The following HMG20A variants were observed in gnomAD, a reference collection of about 807,000 sequenced individuals.
HMG20A encodes high mobility group protein 20A.
A neutral mutation model predicts 43.9 loss-of-function variants in HMG20A; 17 were observed. The observed-to-expected ratio is 0.39, with a 90% CI of 0.27 to 0.58. The LOEUF (loss-of-function observed/expected upper bound fraction) is 0.58, where lower values mean the gene tolerates loss of function less well. Among genes scored for constraint, HMG20A ranks in the 20% least tolerant of loss-of-function variants. The pLI, the probability that HMG20A is intolerant of heterozygous loss-of-function variation, is 0.59. For missense variants in HMG20A, 341 were observed against 438.2 expected (o/e 0.78, Z 1.98); for synonymous variants, 132 against 147.5 (o/e 0.89, Z 0.76).
chr15:77,457,543 T>C (rs987854265), intron 1 of HMG20A, among the ~76,000 whole-genome samples: 57 of 152,210 alleles, frequency 3.7e-4, no homozygotes, highest in African/African-American at 1.4e-3. Context: ...GTGGTAAGCC[T>C]TGAAAGGCAA....
chr15:77,507,184 G>A, the HMG20A span, among the ~76,000 whole-genome samples: 1 of 152,204 alleles, frequency 6.6e-6, no homozygotes, highest in Non-Finnish European at 1.5e-5. Flanking sequence ...TTTTCTGGGT[G>A]TGGACTCCTC....
At chr15:77,459,253 A>G (rs1281983325) in intron 2 of HMG20A, among the ~76,000 whole-genome samples, 1 of 152,182 alleles carries the variant, frequency 6.6e-6, no homozygotes, top group Non-Finnish European at 1.5e-5. Context: ...CACTACTCAG[A>G]TGAAAGTGTT....
the HMG20A span, among the ~76,000 whole-genome samples, chr15:77,495,578 G>A: frequency 6.6e-6 from 1 of 152,168 alleles, no homozygotes; most frequent in East Asian, 1.9e-4. Flanking sequence ...ACAAAAAAAG[G>A]CAGTAAAGTG....
intron 1 of HMG20A, among the ~76,000 whole-genome samples, chr15:77,445,206 GAAGAAACATTCTTTCTACCTC>G (rs1385440338): frequency 6.6e-6 from 1 of 152,194 alleles, no homozygotes; most frequent in African/African-American, 2.4e-5. Context: ...CCTGTAAAAG[GAAGAAACATTCTTTCTACCTC>G]CTCTCTTCAG....
In HMG20A at chr15:77,479,184, G is replaced by A. The variant is rs776181871; in HGVS notation, c.913G>A (p.Gly305Arg). The change falls in exon 9 of 10, where the codon GGA becomes AGA. Residue 305 changes from glycine (G) to arginine (R), a missense_variant. By Grantham distance (125) the Gly-to-Arg change is moderately radical (BLOSUM62 -2). Around this residue, in one of 3 missense-constraint regions of HMG20A, gnomAD observed 118 missense variants for 154.5 expected, o/e 0.76. Coordinates refer to ENST00000336216, the MANE Select transcript of HMG20A (RefSeq NM_001304504.2). ...SFASMPLPGS[G>R]ETPTVDTIDS... ...TTCTTCTTATCTCACTTCAGGAAGT[G>A]GAGAGACACCTACAGTGGACACCAT... 1.2e-6 allele frequency: 2 copies of A among 1,613,462 alleles called. No individual in the cohort carries two copies. Among genetic ancestry groups the A allele is most frequent in the Admixed American group, 1.7e-5 (1 of 60,018 alleles).
intron 1 of HMG20A, among the ~76,000 whole-genome samples, chr15:77,439,598 A>G (rs2073589223): frequency 6.6e-6 from 1 of 152,160 alleles, no homozygotes; most frequent in Admixed American, 6.5e-5. Flanking sequence ...CACTGATTTC[A>G]TTGTAGGACT....
the HMG20A span, among the ~76,000 whole-genome samples, chr15:77,501,072 CTGATCATAT>C: frequency 1.1e-4 from 16 of 152,308 alleles, no homozygotes; most frequent in East Asian, 2.5e-3. Context: ...TATTCTGATA[CTGATCATAT>C]TGGTGTGTGG....
At chr15:77,494,477 A>G in the HMG20A span, among the ~76,000 whole-genome samples, 1 of 152,142 alleles carries the variant, frequency 6.6e-6, no homozygotes, top group Non-Finnish European at 1.5e-5. Flanking sequence ...TTGACATCAG[A>G]ACAACATCTG....
intron 4 of HMG20A, among the ~76,000 whole-genome samples, 169 bp from the exon 5 acceptor site, chr15:77,470,741 A>G (rs1392125762): frequency 3.3e-5 from 5 of 152,194 alleles, no homozygotes; most frequent in Non-Finnish European, 7.4e-5. Context: ...GAGAGGTTAT[A>G]TTTTATTCTA....
intron 1 of HMG20A, among the ~76,000 whole-genome samples, chr15:77,426,389 ATGTACTATGTAC>A (rs1243729008): frequency 6.6e-6 from 1 of 152,204 alleles, no homozygotes; most frequent in Non-Finnish European, 1.5e-5. Flanking sequence ...TATATGTTAC[ATGTACTATGTAC>A]TGTATTCTTA....
At chr15:77,455,272 A>G (rs748986367) in intron 1 of HMG20A, among the ~76,000 whole-genome samples, 2 of 148,616 alleles carry the variant, frequency 1.3e-5, no homozygotes, top group Non-Finnish European at 3.0e-5. Context: ...TATATTGACC[A>G]TAGCAATGTT....
chr15:77,487,410 C>G (rs1054894320), downstream of HMG20A, among the ~76,000 whole-genome samples: 6 of 152,182 alleles, frequency 3.9e-5, no homozygotes, highest in African/African-American at 1.4e-4. Flanking sequence ...AGTGCATTAT[C>G]TTGCCTTTGT....
At chr15:77,425,080 G>A (rs1292661888) in intron 1 of HMG20A, among the ~76,000 whole-genome samples, 7 of 152,078 alleles carry the variant, frequency 4.6e-5, no homozygotes, top group African/African-American at 1.2e-4. Context: ...CTTTGAGGTC[G>A]TTTCTCAAGT....
At chr15:77,437,675 G>A (rs911590232) in intron 1 of HMG20A, among the ~76,000 whole-genome samples, 2 of 151,906 alleles carry the variant, frequency 1.3e-5, no homozygotes, top group Non-Finnish European at 2.9e-5. Context: ...GGGTTCAAGC[G>A]ATTCTCCTGC....
intron 1 of HMG20A, among the ~76,000 whole-genome samples, chr15:77,431,626 A>G (rs2073485799): frequency 1.3e-5 from 2 of 152,330 alleles, no homozygotes; most frequent in South Asian, 2.1e-4. Flanking sequence ...TAACATATGT[A>G]TTACCTCACA....
the HMG20A span, among the ~76,000 whole-genome samples, chr15:77,512,065 A>G: frequency 3.9e-5 from 6 of 152,242 alleles, no homozygotes; most frequent in Non-Finnish European, 7.3e-5. Context: ...ATACTGTGGA[A>G]TATTACTCAG....
At chr15:77,471,878 C>A in intron 6 of HMG20A, 64 bp downstream of exon 6, 2 of 890,140 alleles carry the variant, frequency 2.2e-6, no homozygotes, top group African/African-American at 1.8e-5. Flanking sequence ...TTTTGAAATG[C>A]TATTGGATTT....
rs2073613679 is a variant in HMG20A, at chr15:77,441,628, C to G, written c.-4-16776C>G. Among the ~76,000 whole-genome samples the G allele has an allele frequency of 3.9e-5, 6 of 152,270 alleles. No homozygotes were observed. In the South Asian group the frequency reaches 1.2e-3, roughly 32 times the overall value. On this transcript the variant is annotated intron_variant, in intron 1 of 9. Transcript: ENST00000336216. ...TGACTTCGATTCAGAGCTCTTCCTA[C>G]TGCCTCAGGTTGTCTCCTTGTAGTT...
downstream of HMG20A, among the ~76,000 whole-genome samples, chr15:77,487,780 C>G (rs2072953332): frequency 6.6e-6 from 1 of 152,178 alleles, no homozygotes; most frequent in African/African-American, 2.4e-5. Context: ...AGTTCCAAGT[C>G]AGGGGTTTTT....
Sources: gnomAD v4.1 joint callset for allele counts (sites outside exome capture counted in the v4.1 genomes callset) on GRCh38, gnomAD v4.1.1 for gene constraint, gnomAD v4.1.1 regional missense constraint, MANE v1.5 for transcripts, NCBI Gene and HGNC (gene_info 2026-07-23, HGNC 2026-07-21) for gene names.